Variants in DTWD2 observed in about 807,000 individuals in gnomAD.
DTWD2 encodes the protein tRNA-uridine aminocarboxypropyltransferase 2.
A neutral mutation model predicts 31.8 loss-of-function variants in DTWD2; 39 were observed. That is an observed-to-expected ratio of 1.22 (90% CI 0.95 to 1.60). The LOEUF is 1.60. Among genes scored for constraint, DTWD2 ranks in the 40% most tolerant of loss-of-function variants. The pLI is 0.00. For synonymous variants in DTWD2, 180 were observed against 142.8 expected, an observed-to-expected ratio of 1.26 and a Z score of -1.86; for missense variants, 515 against 381.5, an observed-to-expected ratio of 1.35 and a Z score of -2.92.
At chr5:118,871,579 C>G (rs1752506114) in intron 4 of DTWD2, among the ~76,000 whole-genome samples, 1 of 152,194 alleles carries the variant, frequency 6.6e-6, no homozygotes, top group East Asian at 1.9e-4. Context: ...TTCATCAGAT[C>G]TCTTGCGTGA....
intron 1 of DTWD2, among the ~76,000 whole-genome samples, chr5:118,964,851 C>A (rs1395701869): frequency 6.6e-6 from 1 of 152,204 alleles, no homozygotes; most frequent in African/African-American, 2.4e-5. Flanking sequence ...CAGCCTCTGC[C>A]CGGCCACCAC....
intron 4 of DTWD2, among the ~76,000 whole-genome samples, chr5:118,857,376 A>C (rs1752161954): frequency 6.6e-6 from 1 of 152,212 alleles, no homozygotes; most frequent in South Asian, 2.1e-4. Flanking sequence ...GAAAATTTTT[A>C]CTTTGGCCAT....
intron 2 of DTWD2, among the ~76,000 whole-genome samples, chr5:118,943,241 T>C (rs951603297): frequency 1.3e-5 from 2 of 152,202 alleles, no homozygotes; most frequent in Non-Finnish European, 2.9e-5. Flanking sequence ...GACAAAAGCA[T>C]GATGCTGCTA....
At chr5:118,860,947 T>A (rs918905726) in intron 4 of DTWD2, among the ~76,000 whole-genome samples, 2 of 152,156 alleles carry the variant, frequency 1.3e-5, no homozygotes, top group African/African-American at 4.8e-5. Context: ...TAAATCCACA[T>A]CCATTTTGGG....
intron 4 of DTWD2, among the ~76,000 whole-genome samples, chr5:118,862,972 C>T (rs1752300077): frequency 6.6e-6 from 1 of 152,156 alleles, no homozygotes; most frequent in Admixed American, 6.5e-5. Flanking sequence ...TTTGGACATT[C>T]TCATGTGAAA....
intron 5 of DTWD2, among the ~76,000 whole-genome samples, chr5:118,842,095 C>G (rs1482765411): frequency 6.6e-6 from 1 of 152,098 alleles, no homozygotes; most frequent in Admixed American, 6.5e-5. Context: ...GTAATCCCAG[C>G]ATTTTGGGAG....
At chr5:118,960,633 T>C (rs1561471921) in intron 1 of DTWD2, among the ~76,000 whole-genome samples, 1 of 152,144 alleles carries the variant, frequency 6.6e-6, no homozygotes. Context: ...CACATGTATG[T>C]TCAATGCAGC....
chr5:118,905,144 T>C (rs749502284), intron 4 of DTWD2, among the ~76,000 whole-genome samples: 1 of 152,182 alleles, frequency 6.6e-6, no homozygotes, highest in Non-Finnish European at 1.5e-5. Flanking sequence ...TATAAGCATA[T>C]GTTTTAAAAA....
intron 4 of DTWD2, among the ~76,000 whole-genome samples, chr5:118,911,421 G>T (rs1027040765): frequency 6.6e-6 from 1 of 152,196 alleles, no homozygotes; most frequent in Non-Finnish European, 1.5e-5. Context: ...AAGTAAATTG[G>T]TATAGTGTAT....
chr5:118,969,924 T>G (rs1580446607), intron 1 of DTWD2, among the ~76,000 whole-genome samples: 1 of 152,058 alleles, frequency 6.6e-6, no homozygotes, highest in East Asian at 1.9e-4. Context: ...GCAAAGAAGC[T>G]AAGAATCATG....
intron 4 of DTWD2, among the ~76,000 whole-genome samples, chr5:118,856,203 TC>T (rs1244624373): frequency 6.6e-6 from 1 of 152,230 alleles, no homozygotes; most frequent in Non-Finnish European, 1.5e-5. Flanking sequence ...CTTTTTGGTA[TC>T]CTAAATAAGA....
chr5:118,897,168 A>G lies in DTWD2; in HGVS notation c.597+31369T>C, dbSNP rs192477013. On this transcript the variant is annotated intron_variant, in intron 4 of 5. Coordinates refer to ENST00000510708, the MANE Select transcript of DTWD2 (RefSeq NM_173666.4). ...TATTTATTACAGTGAAAGAATACAA[A>G]GCAAAATCAGCCAGGAGAAAACTCA... 2.2e-4 allele frequency among the ~76,000 whole-genome samples: 33 copies of G among 152,384 alleles called. No homozygotes were observed. In the East Asian group the frequency reaches 6.2e-3, roughly 28 times the overall value.
intron 1 of DTWD2, among the ~76,000 whole-genome samples, chr5:118,977,584 G>T (rs1561480070): frequency 6.6e-6 from 1 of 152,004 alleles, no homozygotes; most frequent in South Asian, 2.1e-4. Flanking sequence ...ACTCCCATTC[G>T]CAATTGCTAC....
chr5:118,973,807 A>G (rs1580449814), intron 1 of DTWD2: 2 of 1,612,250 alleles, frequency 1.2e-6, no homozygotes, highest in Non-Finnish European at 1.7e-6. Context: ...TGTCAGACGC[A>G]GCCGTAGACA....
At chr5:118,954,133 C>T (rs11958756) in intron 1 of DTWD2, among the ~76,000 whole-genome samples, 2,744 of 152,176 alleles carry the variant, frequency 0.018, 90 homozygotes, top group African/African-American at 0.062. Context: ...TAGCCAGACA[C>T]GGTGGTGCAC....
At position 118,967,449 on chromosome 5, in the gene DTWD2, G is replaced by T. The variant is rs564874099; in HGVS notation, c.218+20845C>A. Among the ~76,000 whole-genome samples the T allele has an allele frequency of 7.2e-4, 109 of 152,272 alleles. 1 individual carries two copies. Among genetic ancestry groups the T allele is most frequent in the African/African-American group, 2.6e-3 (109 of 41,538 alleles). On this transcript the variant is annotated intron_variant, in intron 1 of 5. Transcript: ENST00000510708. ...CAATAAACCAGGGCTTCCTGAAAAA[G>T]TGGTTGATTCTAGGGCTGGGGCAGG...
chr5:118,919,952 C>T (rs947341461), intron 4 of DTWD2, among the ~76,000 whole-genome samples: 2 of 151,958 alleles, frequency 1.3e-5, no homozygotes, highest in African/African-American at 4.8e-5. Flanking sequence ...AACTAGGATC[C>T]CCACCAATTA....
intron 1 of DTWD2, chr5:118,973,966 A>G (rs1351087939): frequency 1.0e-5 from 16 of 1,585,006 alleles, no homozygotes; most frequent in Non-Finnish European, 1.4e-5. Flanking sequence ...AAGAAGAGGA[A>G]GAAGGTGGGG....
intron 1 of DTWD2, among the ~76,000 whole-genome samples, chr5:118,961,968 G>A (rs1049588748): frequency 6.6e-5 from 10 of 152,268 alleles, no homozygotes; most frequent in East Asian, 1.9e-4. Context: ...GCTGCCAGGC[G>A]CAGTGGCTCA....
Sources: gnomAD v4.1 joint callset for allele counts (sites outside exome capture counted in the v4.1 genomes callset) on GRCh38, gnomAD v4.1.1 for gene constraint, MANE v1.5 for transcripts, NCBI Gene and HGNC (gene_info 2026-07-23, HGNC 2026-07-21) for gene names.